Variants in SCN1A observed in about 807,000 individuals in gnomAD.
SCN1A encodes the protein sodium voltage-gated channel alpha subunit 1.
A neutral mutation model predicts 193.7 loss-of-function variants in SCN1A; 13 were observed. That is an observed-to-expected ratio of 0.07 (90% CI 0.04 to 0.11). The LOEUF is 0.11. Ranked by LOEUF, SCN1A falls within the 10% of genes least tolerant of loss-of-function variation. SCN1A has a pLI of 1.00. For missense variants in SCN1A, 1,432 were observed against 2,451.1 expected (o/e 0.58, Z 8.78); for synonymous variants, 781 against 843.6 (o/e 0.93, Z 1.29).
At chr2:166,037,701 T>C (rs536192763) in intron 18 of SCN1A, 75 bp downstream of exon 18, 57 of 1,274,202 alleles carry the variant, frequency 4.5e-5, no homozygotes, top group Non-Finnish European at 6.6e-5. Flanking sequence ...GTGCACAATG[T>C]GCAGGTTAGT....
At chr2:166,085,811 C>G (rs767571903) in intron 2 of SCN1A, among the ~76,000 whole-genome samples, 3 of 152,036 alleles carry the variant, frequency 2.0e-5, no homozygotes, top group Non-Finnish European at 4.4e-5. Context: ...TATATAAAAT[C>G]TAGACATAGA....
rs766656231 is a variant in SCN1A at position 165,991,297 on chromosome 2, A to G, written c.5978T>C (p.Ile1993Thr). 1.7e-5 allele frequency: 28 copies of G among 1,613,344 alleles called. No homozygotes were observed. The highest frequency in any genetic ancestry group is 5.3e-5 in the African/African-American group (4 of 74,788). ...PPSYDRVTKPIVEKHEQEGKD... is the reference protein window; with the variant it reads ...PPSYDRVTKPTVEKHEQEGKD... ...GCCTTCTTGCTCATGTTTTTCCACA[A>G]TTGGCTTTGTCACCCGGTCATAGGA... Residue 1993 changes from isoleucine to threonine, a missense_variant, in exon 29 of 29, where the codon ATT (isoleucine) becomes ACT (threonine). Physicochemically the swap from Ile to Thr is moderately conservative, Grantham distance 89 (BLOSUM62 -1). This residue lies in a region of SCN1A where 148 missense variants were observed against 160.3 expected (regional missense o/e 0.92). Transcript: ENST00000674923.
At chr2:166,075,344 A>T (rs1272581429) in intron 3 of SCN1A, 5 of 152,052 alleles carry the variant, frequency 3.3e-5, no homozygotes, top group African/African-American at 1.2e-4. Flanking sequence ...ATATATTTCC[A>T]GGTATTCAAT....
At chr2:166,144,510 T>G (rs1343383574) in intron 1 of SCN1A, among the ~76,000 whole-genome samples, 3 of 152,202 alleles carry the variant, frequency 2.0e-5, no homozygotes, top group African/African-American at 7.2e-5. Flanking sequence ...AATCATTCTA[T>G]AATACATATA....
At position 166,123,301 on chromosome 2, in the gene SCN1A, G is replaced by C. The variant is rs902499928; in HGVS notation, c.-142+3623C>G. On this transcript the variant is annotated intron_variant, in intron 2 of 28. Transcript: ENST00000674923. ...CCCTCCAAGCAGCTCCTGTGTCCTG[G>C]CCACTATGGGGGATGTAAACACTGG... is the stretch of plus-strand genomic sequence containing the variant. Among the ~76,000 whole-genome samples, 3 of 146,424 alleles carry C rather than the reference G, an allele frequency of 2.0e-5. No individual in the cohort carries two copies. In the Admixed American group the frequency reaches 2.1e-4, roughly 10 times the overall value.
intron 3 of SCN1A, among the ~76,000 whole-genome samples, chr2:166,076,859 G>A (rs1685037182): frequency 1.3e-5 from 2 of 149,866 alleles, no homozygotes; most frequent in African/African-American, 2.4e-5. Flanking sequence ...AATGAACCTA[G>A]ACCTTATGCC....
intron 2 of SCN1A, among the ~76,000 whole-genome samples, chr2:166,112,051 A>G (rs1031871288): frequency 2.0e-5 from 3 of 152,196 alleles, no homozygotes; most frequent in Non-Finnish European, 4.4e-5. Flanking sequence ...TAGATATTAC[A>G]TAAATTTATT....
chr2:166,054,097 G>C (rs1206373586), intron 7 of SCN1A, among the ~76,000 whole-genome samples: 1 of 151,900 alleles, frequency 6.6e-6, no homozygotes, highest in Non-Finnish European at 1.5e-5. Flanking sequence ...TTAGAAATCA[G>C]TAATTTAATA....
intron 2 of SCN1A, among the ~76,000 whole-genome samples, chr2:166,126,151 T>C (rs1252351645): frequency 6.6e-6 from 1 of 152,118 alleles, no homozygotes; most frequent in Admixed American, 6.5e-5. Flanking sequence ...CTCCAAGAAA[T>C]TGGTTTCCCG....
At chr2:166,146,135 C>T (rs548957067) in intron 1 of SCN1A, among the ~76,000 whole-genome samples, 34 of 152,228 alleles carry the variant, frequency 2.2e-4, no homozygotes, top group Non-Finnish European at 2.4e-4. Flanking sequence ...CATGAAACCA[C>T]GATGCCAGGA....
rs770864818 is a variant in SCN1A, at chr2:166,036,297, A to G, written c.3180T>C (p.Ser1060=). ...TTTCTGCTGTATGATTGGACATACA[A>G]CTGTCTTTCTTGTTGTTTAGATCAT... ...PLDDLNNKKD[S]CMSNHTAEIG... The change falls in exon 19 of 29, where the codon AGT becomes AGC. Residue 1060 remains serine, a synonymous_variant. Coordinates refer to ENST00000674923, the MANE Select transcript of SCN1A (RefSeq NM_001165963.4). 1.9e-6 allele frequency: 3 copies of G among 1,613,754 alleles called. No homozygotes were observed. In the Admixed American group the frequency reaches 5.0e-5, roughly 27 times the overall value.
At chr2:166,072,303 A>C (rs2105975932) in intron 4 of SCN1A, among the ~76,000 whole-genome samples, 1 of 152,266 alleles carries the variant, frequency 6.6e-6, no homozygotes, top group Admixed American at 6.5e-5. Context: ...TCAATGCAAT[A>C]ATCTTAAAAA....
intron 1 of SCN1A, among the ~76,000 whole-genome samples, chr2:166,135,702 A>T (rs1302780120): frequency 6.6e-6 from 1 of 152,214 alleles, no homozygotes; most frequent in Non-Finnish European, 1.5e-5. Context: ...CACTCCAGGG[A>T]CTGAGGCCCT....
At chr2:166,027,687 G>A (rs1328189805) in intron 19 of SCN1A, among the ~76,000 whole-genome samples, 1 of 151,768 alleles carries the variant, frequency 6.6e-6, no homozygotes, top group African/African-American at 2.4e-5. Context: ...AAGCTGGACA[G>A]GTACTATTTT....
intron 2 of SCN1A, among the ~76,000 whole-genome samples, chr2:166,100,386 G>A (rs1278834609): frequency 7.1e-6 from 1 of 139,890 alleles, no homozygotes; most frequent in Non-Finnish European, 1.6e-5. Flanking sequence ...AGATTTAAAC[G>A]TTAGACCTAA....
chr2:166,076,680 A>C (rs1305545732), intron 3 of SCN1A, among the ~76,000 whole-genome samples: 1 of 151,946 alleles, frequency 6.6e-6, no homozygotes, highest in African/African-American at 2.4e-5. Flanking sequence ...GGTACTGACA[A>C]AAGAATAGAT....
rs1040085228 is a variant in SCN1A, at chr2:165,992,376, G to A, written c.4899C>T (p.Thr1633=). The A allele has an allele frequency of 3.1e-6, 5 of 1,613,572 alleles. No individual in the cohort carries two copies. The South Asian group carries it at 4.4e-5, about 14-fold the overall frequency. The part of the protein sequence containing the change: ...ELIEKYFVSP[T]LFRVIRLARI... ...TAGCAAGACGGATCACTCGGAACAGGGTAGGGGACACGAAATACTTTTCTA... is the reference window on the plus strand; with the variant it reads ...TAGCAAGACGGATCACTCGGAACAGAGTAGGGGACACGAAATACTTTTCTA... The change falls in exon 29 of 29, where the codon ACC becomes ACT. Residue 1633 remains threonine, a synonymous_variant. Transcript: ENST00000674923. This position sits in a 1 kb window ranked among gnomAD's most constrained non-coding sequence, Gnocchi z 6.5.
chr2:166,083,037 TAATAAA>T (rs1453806630), intron 2 of SCN1A, among the ~76,000 whole-genome samples: 1 of 152,082 alleles, frequency 6.6e-6, no homozygotes, highest in East Asian at 1.9e-4. Flanking sequence ...CTGCCAATAA[TAATAAA>T]AATAACTAGG....
intron 19 of SCN1A, among the ~76,000 whole-genome samples, chr2:166,032,748 A>G (rs1695804779): frequency 6.6e-6 from 1 of 152,194 alleles, no homozygotes; most frequent in African/African-American, 2.4e-5. Context: ...ATACAACTGC[A>G]TTTCAACAGC....
Sources: gnomAD v4.1 joint callset for allele counts (sites outside exome capture counted in the v4.1 genomes callset) on GRCh38, gnomAD v4.1.1 for gene constraint, gnomAD v4.1.1 regional missense constraint, Gnocchi (gnomAD v3.1) non-coding constraint, MANE v1.5 for transcripts, NCBI Gene and HGNC (gene_info 2026-07-23, HGNC 2026-07-21) for gene names.